The following UPF2 variants were observed in gnomAD, a reference collection of about 807,000 sequenced individuals.
UPF2 encodes UPF2 regulator of nonsense mediated mRNA decay.
Under a neutral mutation model 141.4 loss-of-function variants are expected in UPF2, and 17 were observed. The observed-to-expected ratio is 0.12, with a 90% CI of 0.08 to 0.18. The LOEUF is 0.18. Among genes scored for constraint, UPF2 ranks in the 10% least tolerant of loss-of-function variants. UPF2 has a pLI of 1.00. For synonymous variants in UPF2, 540 were observed against 498.0 expected (o/e 1.08, Z -1.12); for missense variants, 1,152 against 1,515.9 (o/e 0.76, Z 3.99).
chr10:11,952,631 C>T (rs1051897830), intron 14 of UPF2, among the ~76,000 whole-genome samples: 5 of 151,926 alleles, frequency 3.3e-5, no homozygotes, highest in Admixed American at 6.6e-5. Context: ...CATGCCACCA[C>T]GCCCGGCTAC....
intron 4 of UPF2, among the ~76,000 whole-genome samples, chr10:12,012,792 C>T (rs10906048): frequency 0.38 from 55,589 of 146,390 alleles, 12,742 homozygotes; most frequent in Non-Finnish European, 0.5. Context: ...GAGCAAGACT[C>T]CGCCAAAAAA....
chr10:12,031,911 A>G (rs1482268997), intron 2 of UPF2, among the ~76,000 whole-genome samples: 2 of 152,222 alleles, frequency 1.3e-5, no homozygotes, highest in Admixed American at 1.3e-4. Flanking sequence ...GGTGGCCTCT[A>G]TCACTGAGAA....
intron 14 of UPF2, among the ~76,000 whole-genome samples, chr10:11,954,068 T>C (rs1258762978): frequency 6.6e-6 from 1 of 152,172 alleles, no homozygotes; most frequent in African/African-American, 2.4e-5. Flanking sequence ...ACTTAGAAAA[T>C]TGTATTTTAT....
chr10:11,943,158 T>G lies in UPF2; in HGVS notation c.3185A>C (p.Asp1062Ala). Reference sequence around the variant, plus strand: ...TTCTTCTCCCTCATCATCATCATTATCAGAACCCTCCTGAAATTATTGAAC... The same window carrying G: ...TTCTTCTCCCTCATCATCATCATTAGCAGAACCCTCCTGAAATTATTGAAC... Reference protein sequence around the residue: ...VNEPEEEEGSDNDDDEGEEEE... With the variant: ...VNEPEEEEGSANDDDEGEEEE... Residue 1062 changes from aspartate (D) to alanine (A), a missense_variant, in exon 17 of 22, where the codon GAT (aspartate) becomes GCT (alanine). This residue lies in a region of UPF2 where 202 missense variants were observed against 223.6 expected (regional missense o/e 0.90). Coordinates refer to ENST00000357604, the MANE Select transcript of UPF2 (RefSeq NM_015542.4). 6.2e-7 allele frequency: 1 copy of G among 1,608,276 alleles called. No homozygotes were observed. Among genetic ancestry groups the G allele is most frequent in the Non-Finnish European group, 8.5e-7 (1 of 1,177,204 alleles).
chr10:12,009,633 C>A (rs765544360), intron 4 of UPF2, among the ~76,000 whole-genome samples: 20 of 152,118 alleles, frequency 1.3e-4, no homozygotes, highest in Non-Finnish European at 2.8e-4. Context: ...TACAATTGCC[C>A]CAGCTTACTT....
chr10:11,941,161 C>T (rs113517873), intron 18 of UPF2, among the ~76,000 whole-genome samples: 28 of 152,226 alleles, frequency 1.8e-4, no homozygotes, highest in Admixed American at 5.2e-4. Flanking sequence ...ATACTTAGCC[C>T]GATGCACACT....
chr10:12,035,586 T>G (rs1834611044), intron 1 of UPF2, 145 bp from the exon 2 acceptor site: 1 of 861,284 alleles, frequency 1.2e-6, no homozygotes, highest in Admixed American at 3.4e-5. Context: ...ACTATTTCTG[T>G]TACAAAATAA....
chr10:11,929,939 A>G lies in UPF2; in HGVS notation c.3735T>C (p.Asn1245=). 1.2e-6 allele frequency: 2 copies of G among 1,614,198 alleles called. No homozygotes were observed. The highest frequency in any genetic ancestry group is 2.2e-5 in the South Asian group (2 of 91,088). The part of the protein sequence containing the change: ...LAQRPAPANT[N]RERRPRYQHP... ...GTTGGTAGCGAGGCCGCCTCTCACG[A>G]TTGGTGTTTGCTGGAGCTGGGCGCT... Residue 1245 remains asparagine (N), a synonymous_variant, in exon 21 of 22, where the codon AAT becomes AAC. Transcript: ENST00000357604.
chr10:11,961,558 A>G (rs1005965297), intron 11 of UPF2, among the ~76,000 whole-genome samples: 7 of 152,048 alleles, frequency 4.6e-5, no homozygotes, highest in African/African-American at 1.7e-4. Context: ...CAAGGTGAGA[A>G]GGCTGGGTTT....
chr10:11,987,936 G>A (rs1833720492), intron 8 of UPF2, among the ~76,000 whole-genome samples: 1 of 152,002 alleles, frequency 6.6e-6, no homozygotes, highest in Non-Finnish European at 1.5e-5. Flanking sequence ...TTTAAAAACT[G>A]TGCTGCAAAT....
chr10:12,003,664 G>A (rs1265136977), intron 5 of UPF2, among the ~76,000 whole-genome samples: 10 of 152,268 alleles, frequency 6.6e-5, no homozygotes, highest in Middle Eastern at 3.4e-3. Context: ...GGTGGCTCAC[G>A]CCTGTAATCC....
rs745901300 is a variant in UPF2, at chr10:11,935,750, T to C, written c.3546+795A>G. On this transcript the variant is annotated intron_variant, in intron 19 of 21. Transcript: ENST00000357604. This position sits in a 1 kb window ranked among gnomAD's most constrained non-coding sequence, Gnocchi z 4.9. ...AGGAACATTGTTCTGTTTATCACTG[T>C]AGCCTCAGGACCTGAAATAGAATAG... Among the ~76,000 whole-genome samples the C allele has an allele frequency of 3.3e-5, 5 of 152,222 alleles. No individual in the cohort carries two copies. Among genetic ancestry groups the C allele is most frequent in the Non-Finnish European group, 5.9e-5 (4 of 68,046 alleles).
intron 3 of UPF2, among the ~76,000 whole-genome samples, chr10:12,028,159 A>C (rs564816983): frequency 3.2e-4 from 48 of 152,328 alleles, no homozygotes; most frequent in Non-Finnish European, 5.9e-4. Context: ...TACCACAGGC[A>C]CAGTACATTC....
intron 15 of UPF2, 130 bp from the exon 16 acceptor site, chr10:11,948,638 A>G: frequency 9.2e-7 from 1 of 1,086,652 alleles, no homozygotes; most frequent in East Asian, 2.4e-5. Context: ...CAAAGGTAAA[A>G]GAATTAAAAA....
intron 4 of UPF2, among the ~76,000 whole-genome samples, chr10:12,012,147 C>T (rs1230408592): frequency 6.7e-6 from 1 of 150,154 alleles, no homozygotes; most frequent in Non-Finnish European, 1.5e-5. Flanking sequence ...TCTGTAACCT[C>T]CGCCTCCCAG....
At chr10:11,989,961 G>A (rs929729471) in intron 8 of UPF2, among the ~76,000 whole-genome samples, 2 of 152,106 alleles carry the variant, frequency 1.3e-5, no homozygotes, top group African/African-American at 4.8e-5. Context: ...AACCTATCCT[G>A]GCTTATCCAT....
chr10:11,925,038 C>T lies in UPF2; in HGVS notation c.3810-3731G>A, dbSNP rs57102528. Reference sequence around the variant, plus strand: ...TTCACCATGTTGGTCAGGCTGGTCTCGAACTCCTGACCTCAGGTGATCTGC... The same window carrying T: ...TTCACCATGTTGGTCAGGCTGGTCTTGAACTCCTGACCTCAGGTGATCTGC... On this transcript the variant is annotated intron_variant, in intron 21 of 21. Coordinates refer to ENST00000357604, the MANE Select transcript of UPF2 (RefSeq NM_015542.4). Among the ~76,000 whole-genome samples the T allele has an allele frequency of 9.3e-3, 1,421 of 152,110 alleles. 22 individuals carry two copies. Among genetic ancestry groups the T allele is most frequent in the African/African-American group, 0.032 (1,337 of 41,482 alleles).
At chr10:12,002,311 A>T (rs553181865) in intron 5 of UPF2, among the ~76,000 whole-genome samples, 1 of 152,190 alleles carries the variant, frequency 6.6e-6, no homozygotes, top group Non-Finnish European at 1.5e-5. Flanking sequence ...AACGAAGGCT[A>T]TATCTTCTCT....
chr10:12,001,720 C>T lies in UPF2; in HGVS notation c.1610G>A (p.Gly537Glu), dbSNP rs1474589219. 16 of 1,611,428 alleles carry T rather than the reference C, an allele frequency of 9.9e-6. No homozygotes were observed. Among genetic ancestry groups the T allele is most frequent in the Non-Finnish European group, 1.2e-5 (14 of 1,179,298 alleles). Residue 537 changes from glycine to glutamate, a missense_variant, in exon 6 of 22, where the codon GGA becomes GAA. By Grantham distance (98) the Gly-to-Glu change is moderately conservative (BLOSUM62 -2). Coordinates refer to ENST00000357604, the MANE Select transcript of UPF2 (RefSeq NM_015542.4). ...CTTTGTAAGATCTTCAGCTTCATCT[C>T]CACCCTCTAATTCTAAGGTGTCATC... ...INDDTLELEG[G>E]DEAEDLTKKL...
Sources: gnomAD v4.1 joint callset for allele counts (sites outside exome capture counted in the v4.1 genomes callset) on GRCh38, gnomAD v4.1.1 for gene constraint, gnomAD v4.1.1 regional missense constraint, Gnocchi (gnomAD v3.1) non-coding constraint, MANE v1.5 for transcripts, NCBI Gene and HGNC (gene_info 2026-07-23, HGNC 2026-07-21) for gene names.